The following SLC44A5 variants were observed in gnomAD, a reference collection of about 807,000 sequenced individuals.
SLC44A5 encodes solute carrier family 44 member 5.
Under a neutral mutation model 101.8 loss-of-function variants are expected in SLC44A5, and 57 were observed. That is an observed-to-expected ratio of 0.56 (90% CI 0.45 to 0.70). The LOEUF (loss-of-function observed/expected upper bound fraction) is 0.70. Among genes scored for constraint, SLC44A5 ranks in the 30% least tolerant of loss-of-function variants. The pLI is 0.00. For missense variants in SLC44A5, 737 were observed against 853.1 expected, an observed-to-expected ratio of 0.86 and a Z score of 1.70; for synonymous variants, 281 against 290.9, an observed-to-expected ratio of 0.97 and a Z score of 0.35.
intron 14 of SLC44A5, among the ~76,000 whole-genome samples, chr1:75,221,347 C>T (rs1418845654): frequency 6.6e-6 from 1 of 152,130 alleles, no homozygotes; most frequent in Non-Finnish European, 1.5e-5. Flanking sequence ...CGGTTACTTC[C>T]ATGCGTTATT....
chr1:75,710,563 A>C, the SLC44A5 span: 7 of 25,152 alleles, frequency 2.8e-4, no homozygotes, highest in African/African-American at 9.9e-4. Flanking sequence ...GACCCTACCT[A>C]AAAAAAAAAA....
intron 2 of SLC44A5, among the ~76,000 whole-genome samples, chr1:75,486,564 G>T (rs953262581): frequency 6.6e-6 from 1 of 152,108 alleles, no homozygotes; most frequent in Non-Finnish European, 1.5e-5. Context: ...GTTTAGAGTC[G>T]ATCAGCCTTT....
chr1:75,413,007 A>G (rs1290797143), intron 2 of SLC44A5, among the ~76,000 whole-genome samples: 2 of 152,158 alleles, frequency 1.3e-5, no homozygotes, highest in African/African-American at 4.8e-5. Context: ...ATGTAATCGT[A>G]TAGCCATTTT....
chr1:75,269,880 T>A (rs1651320891), intron 6 of SLC44A5, among the ~76,000 whole-genome samples: 1 of 152,162 alleles, frequency 6.6e-6, no homozygotes, highest in Non-Finnish European at 1.5e-5. Flanking sequence ...AATTCCCACA[T>A]GTTGTGGGAG....
intron 2 of SLC44A5, among the ~76,000 whole-genome samples, chr1:75,513,834 G>T (rs922013869): frequency 6.6e-6 from 1 of 152,062 alleles, no homozygotes; most frequent in Non-Finnish European, 1.5e-5. Context: ...ATAAAGGACT[G>T]CCATATTATC....
At chr1:75,681,059 C>T in the SLC44A5 span, among the ~76,000 whole-genome samples, 1 of 150,976 alleles carries the variant, frequency 6.6e-6, no homozygotes. Flanking sequence ...AAGACTAAAC[C>T]AGGAAGAAGT....
At chr1:75,252,908 G>T (rs114342730) in intron 6 of SLC44A5, among the ~76,000 whole-genome samples, 1 of 152,252 alleles carries the variant, frequency 6.6e-6, no homozygotes, top group Non-Finnish European at 1.5e-5. Context: ...AGCTGAAAGG[G>T]TTTGGAGGAG....
chr1:75,536,293 G>A (rs1458900414), intron 2 of SLC44A5, among the ~76,000 whole-genome samples: 2 of 151,936 alleles, frequency 1.3e-5, no homozygotes. Context: ...CACGGAAAAA[G>A]TGTCTTCATA....
intron 2 of SLC44A5, among the ~76,000 whole-genome samples, chr1:75,525,949 T>G (rs556294597): frequency 3.2e-4 from 49 of 152,342 alleles, no homozygotes; most frequent in Middle Eastern, 3.4e-3. Context: ...TCTGTATATT[T>G]AGAAAATGTT....
chr1:75,240,549 C>A (rs1195806911), intron 9 of SLC44A5, among the ~76,000 whole-genome samples: 1 of 152,022 alleles, frequency 6.6e-6, no homozygotes, highest in Non-Finnish European at 1.5e-5. Context: ...TTATATTTAT[C>A]CTTTTGCATA....
chr1:75,534,071 AC>A (rs1188093208), intron 2 of SLC44A5, among the ~76,000 whole-genome samples: 3 of 152,166 alleles, frequency 2.0e-5, no homozygotes, highest in African/African-American at 7.2e-5. Flanking sequence ...AAAAGGTTTC[AC>A]CATCATCCCC....
At chr1:75,371,850 G>A (rs1281149152) in intron 3 of SLC44A5, among the ~76,000 whole-genome samples, 2 of 152,138 alleles carry the variant, frequency 1.3e-5, no homozygotes, top group African/African-American at 4.8e-5. Flanking sequence ...GTGCTAAGAG[G>A]TAGTTCATCC....
chr1:75,718,554 C>CT, the SLC44A5 span, among the ~76,000 whole-genome samples: 19 of 152,308 alleles, frequency 1.2e-4, no homozygotes, highest in Non-Finnish European at 2.1e-4. Context: ...GAGAAACACT[C>CT]TAACGGGGAT....
chr1:75,226,703 T>C (rs771517830), intron 13 of SLC44A5, among the ~76,000 whole-genome samples: 38 of 152,130 alleles, frequency 2.5e-4, no homozygotes, highest in Non-Finnish European at 4.0e-4. Context: ...TCTGGCTCTC[T>C]AACTTCAAGA....
Position 75,566,005 on chromosome 1 carries a change from G to A in SLC44A5, c.-69-24489C>T, listed in dbSNP as rs145595944. The stretch of plus-strand genomic sequence containing the variant: ...AAAAAAGAAAAAGGAAAACACTGCT[G>A]TCTTTAAATAGCATACATTTCACTT... On this transcript the variant is annotated intron_variant, in intron 1 of 23. Transcript: ENST00000370859. Among the ~76,000 whole-genome samples the A allele has an allele frequency of 2.3e-3, 352 of 152,262 alleles. 2 individuals carry two copies. Among genetic ancestry groups the A allele is most frequent in the African/African-American group, 7.7e-3 (318 of 41,562 alleles).
chr1:75,391,327 A>C (rs1169386065), intron 3 of SLC44A5, among the ~76,000 whole-genome samples: 1 of 152,124 alleles, frequency 6.6e-6, no homozygotes, highest in African/African-American at 2.4e-5. Context: ...CACCAACACC[A>C]TTTTTTGCAG....
intron 13 of SLC44A5, among the ~76,000 whole-genome samples, chr1:75,224,576 C>T (rs1647157411): frequency 6.6e-6 from 1 of 150,454 alleles, no homozygotes. Flanking sequence ...GTATTTGTGT[C>T]TTTAAATTTT....
At chr1:75,479,788 C>A (rs1469397586) in intron 2 of SLC44A5, among the ~76,000 whole-genome samples, 1 of 129,398 alleles carries the variant, frequency 7.7e-6, no homozygotes, top group Non-Finnish European at 1.7e-5. Flanking sequence ...GAGTCCAGGA[C>A]CAGATGGATT....
At chr1:75,660,395 T>G in the SLC44A5 span, among the ~76,000 whole-genome samples, 2 of 152,034 alleles carry the variant, frequency 1.3e-5, no homozygotes, top group South Asian at 2.1e-4. Context: ...GGGAAAAAAT[T>G]GAAAGCCCTT....
Sources: allele counts gnomAD v4.1 joint callset (sites outside exome capture counted in the v4.1 genomes callset), GRCh38; gene constraint gnomAD v4.1.1; transcripts MANE v1.5; gene names NCBI Gene and HGNC (gene_info 2026-07-23, HGNC 2026-07-21).